The following DNAH9 variants were observed in gnomAD, a reference collection of about 807,000 sequenced individuals.
DNAH9 encodes dynein axonemal heavy chain 9, also known as DNAH9 variant protein.
A neutral mutation model predicts 471.6 loss-of-function variants in DNAH9; 345 were observed. The observed-to-expected ratio is 0.73, with a 90% CI of 0.67 to 0.80. The LOEUF (loss-of-function observed/expected upper bound fraction) is 0.80. Among genes scored for constraint, DNAH9 ranks in the 30% least tolerant of loss-of-function variants. The pLI is 0.00. For synonymous variants in DNAH9, 2,093 were observed against 2,123.6 expected (o/e 0.99, Z 0.40); for missense variants, 5,407 against 5,609.2 (o/e 0.96, Z 1.15).
chr17:11,804,670 C>T (rs577957772), intron 43 of DNAH9, among the ~76,000 whole-genome samples: 21 of 152,200 alleles, frequency 1.4e-4, no homozygotes, highest in South Asian at 4.1e-4. Flanking sequence ...GTCAGGAGAT[C>T]GAGTCCATCC....
intron 8 of DNAH9, among the ~76,000 whole-genome samples, chr17:11,635,555 C>T (rs932518533): frequency 6.6e-6 from 1 of 152,048 alleles, no homozygotes; most frequent in Non-Finnish European, 1.5e-5. Flanking sequence ...GATTTGGCTG[C>T]CCACTGCTGT....
chr17:11,723,730 C>CGT (rs2075103597), intron 27 of DNAH9, among the ~76,000 whole-genome samples: 1 of 151,900 alleles, frequency 6.6e-6, no homozygotes, highest in Non-Finnish European at 1.5e-5. Context: ...TGCAGTGGCA[C>CGT]GATCTCAGCT....
rs755377341 is a variant in DNAH9, at chr17:11,598,679, G to A, written c.181G>A (p.Gly61Ser). Residue 61 changes from glycine to serine, a missense_variant, in exon 1 of 69, where the codon GGC (glycine) becomes AGC (serine). By Grantham distance (56) the Gly-to-Ser change is moderately conservative (BLOSUM62 0). This residue lies in a region of DNAH9 where 767 missense variants were observed against 692.5 expected (regional missense o/e 1.11). Transcript: ENST00000262442. ...EAEQLLQAFL[G>S]RDAAEGPRPL... ...GGAGCAGCTGCTCCAGGCCTTCCTGGGCCGCGATGCTGCCGAGGGGCCGCG... is the reference window on the plus strand; with the variant it reads ...GGAGCAGCTGCTCCAGGCCTTCCTGAGCCGCGATGCTGCCGAGGGGCCGCG... The A allele has an allele frequency of 1.5e-6, 2 of 1,365,808 alleles. No homozygotes were observed. Among genetic ancestry groups the A allele is most frequent in the Non-Finnish European group, 1.9e-6 (2 of 1,065,864 alleles). 84.6% of individuals were successfully genotyped at this position (1,365,808 alleles called of 1,614,324 possible).
At chr17:11,753,782 G>A (rs533645432) in intron 33 of DNAH9, among the ~76,000 whole-genome samples, 1 of 152,316 alleles carries the variant, frequency 6.6e-6, no homozygotes, top group African/African-American at 2.4e-5. Flanking sequence ...TAGAATAAAA[G>A]TATGCTCTCC....
At chr17:11,906,519 C>G (rs901631486) in intron 61 of DNAH9, among the ~76,000 whole-genome samples, 1 of 150,872 alleles carries the variant, frequency 6.6e-6, no homozygotes, top group African/African-American at 2.4e-5. Flanking sequence ...CCCAGCTACT[C>G]GGGAAGCTGA....
intron 35 of DNAH9, 57 bp from the exon 36 acceptor site, chr17:11,763,383 C>T (rs1417731465): frequency 4.0e-6 from 6 of 1,501,012 alleles, no homozygotes; most frequent in South Asian, 1.2e-5. Context: ...TGTCCAACAG[C>T]ACCACCAGAA....
At chr17:11,817,751 G>A (rs1344719935) in intron 45 of DNAH9, among the ~76,000 whole-genome samples, 1 of 152,010 alleles carries the variant, frequency 6.6e-6, no homozygotes, top group African/African-American at 2.4e-5. Flanking sequence ...CATTCTATTA[G>A]TAAGATCTTG....
chr17:11,698,647 A>C (rs2074536085), intron 22 of DNAH9, among the ~76,000 whole-genome samples: 1 of 152,028 alleles, frequency 6.6e-6, no homozygotes, highest in African/African-American at 2.4e-5. Context: ...TAAATTTAGC[A>C]TTAAAAGTCA....
chr17:11,843,859 GTGTGTATATATA>G (rs1266038869), intron 49 of DNAH9, among the ~76,000 whole-genome samples: 2 of 47,010 alleles, frequency 4.3e-5, no homozygotes, highest in East Asian at 9.2e-4. Context: ...GTGTGTGTGT[GTGTGTATATATA>G]TATATATATA....
chr17:11,778,591 A>G (rs545556280), intron 38 of DNAH9, among the ~76,000 whole-genome samples: 42 of 151,868 alleles, frequency 2.8e-4, no homozygotes, highest in African/African-American at 9.2e-4. Context: ...TAGGGAGTCT[A>G]GGGCAAAAGC....
In DNAH9 at chr17:11,644,751, T is replaced by G; in HGVS notation, c.1970+52T>G. On this transcript the variant is annotated intron_variant, in intron 11 of 68. Coordinates refer to ENST00000262442, the MANE Select transcript of DNAH9 (RefSeq NM_001372.4). ...TCTGCAGATTGCACAGCCTCCATGC[T>G]GCCTTTTGCAGCTCCGAGTTTGTGC... 2 of 1,307,108 alleles carry G rather than the reference T, an allele frequency of 1.5e-6. 1 individual carries two copies. 81.0% of individuals were successfully genotyped at this position (1,307,108 alleles called of 1,614,324 possible). A position where few individuals can be genotyped will look rare whatever the true frequency, so the allele number is the denominator to read the frequency against.
Position 11,869,233 on chromosome 17 carries a change from A to G in DNAH9, c.10033A>G (p.Ile3345Val). The G allele has an allele frequency of 6.2e-7, 1 of 1,613,734 alleles. No individual in the cohort carries two copies. The highest frequency in any genetic ancestry group is 8.5e-7 in the Non-Finnish European group (1 of 1,179,786). ...AGAAGCCGAAGTGACCGCAGTCACC[A>G]TCTCCCTTGCCAACCGCCTGGTGAG... Reference protein sequence around the residue: ...QQEAEVTAVTISLANRLVGGL... With the variant: ...QQEAEVTAVTVSLANRLVGGL... Residue 3345 changes from isoleucine (I) to valine (V), a missense_variant, in exon 51 of 69, where the codon ATC becomes GTC. Transcript: ENST00000262442.
intron 5 of DNAH9, among the ~76,000 whole-genome samples, chr17:11,618,325 C>T (rs1233417238): frequency 2.6e-5 from 4 of 152,122 alleles, no homozygotes; most frequent in African/African-American, 7.2e-5. Flanking sequence ...CGGTGGCTCA[C>T]GCCTGTAATC....
Position 11,797,581 on chromosome 17 carries a change from T to A in DNAH9, c.8224-16T>A, listed in dbSNP as rs1224818374. The A allele has an allele frequency of 6.2e-7, 1 of 1,600,722 alleles. No individual in the cohort carries two copies. Among genetic ancestry groups the A allele is most frequent in the Non-Finnish European group, 8.5e-7 (1 of 1,173,102 alleles). ...AGTCAATAATGAGGGCCCTTATTCCTGTGTCTCATCACCAGGATATTGAAG... is the reference window on the plus strand; with the variant it reads ...AGTCAATAATGAGGGCCCTTATTCCAGTGTCTCATCACCAGGATATTGAAG... On this transcript the variant is annotated splice_polypyrimidine_tract_variant and intron_variant, in intron 42 of 68. Coordinates refer to ENST00000262442, the MANE Select transcript of DNAH9 (RefSeq NM_001372.4).
intron 60 of DNAH9, among the ~76,000 whole-genome samples, chr17:11,903,661 A>G (rs1973488989): frequency 6.6e-6 from 1 of 152,196 alleles, no homozygotes; most frequent in Admixed American, 6.5e-5. Context: ...CTGTAATCCC[A>G]GCACTTTGGG....
Position 11,930,045 on chromosome 17 carries a change from C to A in DNAH9, c.12057C>A (p.Pro4019=). 2 of 1,614,132 alleles carry A rather than the reference C, an allele frequency of 1.2e-6. No individual in the cohort carries two copies. Among genetic ancestry groups the A allele is most frequent in the Non-Finnish European group, 1.7e-6 (2 of 1,180,028 alleles). ...CCATTAAGATCACCAATGAGCCCCC[C>A]ACGGGCATGCATGCCAACCTGCACA... The part of the protein sequence containing the change: ...ENSIKITNEP[P]TGMHANLHKA... Residue 4019 remains proline (P), a synonymous_variant, in exon 63 of 69, where the codon CCC becomes CCA. Coordinates refer to ENST00000262442, the MANE Select transcript of DNAH9 (RefSeq NM_001372.4).
intron 45 of DNAH9, among the ~76,000 whole-genome samples, chr17:11,821,319 C>T (rs1268219888): frequency 6.7e-6 from 1 of 150,304 alleles, no homozygotes; most frequent in Non-Finnish European, 1.5e-5. Context: ...CAACATCTAA[C>T]CATAATTTTT....
rs755959423 is a variant in DNAH9 at position 11,838,948 on chromosome 17, A to G, written c.9507+4050A>G. On this transcript the variant is annotated intron_variant, in intron 49 of 68. Coordinates refer to ENST00000262442, the MANE Select transcript of DNAH9 (RefSeq NM_001372.4). ...TTAGCAATAAATCTTTAGCTAATAC[A>G]TAAAGAATACCTATAAATCAGAGGT... Among the ~76,000 whole-genome samples, 5 of 152,338 alleles carry G rather than the reference A, an allele frequency of 3.3e-5. No individual in the cohort carries two copies. In the East Asian group the frequency reaches 7.7e-4, roughly 24 times the overall value.
At position 11,880,105 on chromosome 17, in the gene DNAH9, G is replaced by A; in HGVS notation, c.10506G>A (p.Leu3502=). 1 of 1,614,016 alleles carries A rather than the reference G, an allele frequency of 6.2e-7. No individual in the cohort carries two copies. The highest frequency in any genetic ancestry group is 8.5e-7 in the Non-Finnish European group (1 of 1,179,920). Residue 3502 remains leucine (L), a synonymous_variant, in exon 54 of 69, where the codon CTG becomes CTA. Transcript: ENST00000262442. Reference sequence around the variant, plus strand: ...ACCTTCAAATCATAGAGCAGGCCCTGGAAGCTGGAGCTGTGGTGCTGATTG... The same window carrying A: ...ACCTTCAAATCATAGAGCAGGCCCTAGAAGCTGGAGCTGTGGTGCTGATTG... The part of the protein sequence containing the change: ...KGYLQIIEQA[L]EAGAVVLIEN...
Sources: gnomAD v4.1 joint callset for allele counts (sites outside exome capture counted in the v4.1 genomes callset) on GRCh38, gnomAD v4.1.1 for gene constraint, gnomAD v4.1.1 regional missense constraint, MANE v1.5 for transcripts, NCBI Gene and HGNC (gene_info 2026-07-23, HGNC 2026-07-21) for gene names.